CYFIP1: variants seen among roughly 807,000 people sequenced by gnomAD.
CYFIP1 encodes cytoplasmic FMR1 interacting protein 1, also known as cytoplasmic FMR1-interacting protein 1.
In CYFIP1, 58 loss-of-function variants were observed where a neutral mutation model predicts 163.5. The ratio of observed to expected loss-of-function variants is 0.35; its 90% CI spans 0.29 to 0.44. The LOEUF (loss-of-function observed/expected upper bound fraction) is 0.44. CYFIP1 is among the 20% of genes least tolerant of loss of function. CYFIP1 has a pLI of 1.00. For synonymous variants in CYFIP1, 663 were observed against 660.7 expected (o/e 1.00, Z -0.05); for missense variants, 1,338 against 1,653.8 (o/e 0.81, Z 3.31).
rs1471802173 is a variant in CYFIP1, at chr15:22,872,188, G to A, written c.3597+637C>T. 7.3e-5 allele frequency among the ~76,000 whole-genome samples: 11 copies of A among 151,586 alleles called. No individual in the cohort carries two copies. The East Asian group carries it at 1.9e-3, about 27-fold the overall frequency. ...CAGGTGCCTATAATCCCAGCTACTC[G>A]GGAGGCTGAGGCAGGAGAATCACTT... On this transcript the variant is annotated intron_variant, in intron 30 of 30. Transcript: ENST00000617928.
At chr15:22,979,963 T>G (rs1455334695) in intron 1 of CYFIP1, among the ~76,000 whole-genome samples, 1 of 152,016 alleles carries the variant, frequency 6.6e-6, no homozygotes, top group Non-Finnish European at 1.5e-5. Flanking sequence ...GAATCCGGGA[T>G]CCGGGGGCGC....
At chr15:22,900,698 C>A (rs888051724) in intron 22 of CYFIP1, among the ~76,000 whole-genome samples, 34 of 151,728 alleles carry the variant, frequency 2.2e-4, no homozygotes, top group Non-Finnish European at 4.7e-4. Context: ...CCGTGCCTGG[C>A]CGAGCCTGGA....
At chr15:22,928,568 G>A (rs995808835) in intron 11 of CYFIP1, among the ~76,000 whole-genome samples, 2 of 152,164 alleles carry the variant, frequency 1.3e-5, no homozygotes, top group African/African-American at 2.4e-5. Context: ...GGCTGGGCGC[G>A]GGGCTGTTAC....
chr15:22,959,738 C>T (rs947092302), intron 1 of CYFIP1, among the ~76,000 whole-genome samples: 5 of 152,296 alleles, frequency 3.3e-5, no homozygotes, highest in Admixed American at 6.5e-5. Context: ...CTGGGTCCTG[C>T]GGCGCCCGGC....
At chr15:22,946,879 T>C (rs1196969725) in intron 3 of CYFIP1, 124 bp downstream of exon 3, 1 of 823,790 alleles carries the variant, frequency 1.2e-6, no homozygotes, top group Non-Finnish European at 2.1e-6. Context: ...TATAAGGCAT[T>C]TCATTCATTT....
chr15:22,877,628 T>A (rs1202452043), intron 26 of CYFIP1, among the ~76,000 whole-genome samples: 1 of 152,196 alleles, frequency 6.6e-6, no homozygotes. Context: ...CCCTGGACAC[T>A]GGCTTCTTGC....
At chr15:22,929,302 T>C (rs1189984372) in intron 11 of CYFIP1, among the ~76,000 whole-genome samples, 1 of 151,764 alleles carries the variant, frequency 6.6e-6, no homozygotes, top group Non-Finnish European at 1.5e-5. Flanking sequence ...AAACAATTTC[T>C]AGTCACTGTA....
At chr15:22,895,947 C>T (rs2060224148) in intron 22 of CYFIP1, among the ~76,000 whole-genome samples, 1 of 152,184 alleles carries the variant, frequency 6.6e-6, no homozygotes, top group Non-Finnish European at 1.5e-5. Context: ...TTGCCCTGCA[C>T]ATCCTTCCAA....
chr15:22,972,549 T>A (rs1181098302), intron 1 of CYFIP1, among the ~76,000 whole-genome samples: 1 of 152,118 alleles, frequency 6.6e-6, no homozygotes. Context: ...TGGAAATAAA[T>A]GCATGCATTT....
intron 11 of CYFIP1, 50 bp from the exon 12 acceptor site, chr15:22,928,078 TC>T (rs2061415111): frequency 2.1e-6 from 3 of 1,430,880 alleles, no homozygotes; most frequent in South Asian, 2.9e-5. Flanking sequence ...CCCACCCAGC[TC>T]CCCCCATCCC....
At chr15:22,945,046 T>C in intron 3 of CYFIP1, 107 bp from the exon 4 acceptor site, 2 of 1,034,540 alleles carry the variant, frequency 1.9e-6, no homozygotes, top group Non-Finnish European at 3.0e-6. Context: ...TCCTAAGCAC[T>C]GTGGCCTGTG....
At chr15:22,941,714 G>A (rs1402235647) in intron 6 of CYFIP1, among the ~76,000 whole-genome samples, 1 of 151,976 alleles carries the variant, frequency 6.6e-6, no homozygotes, top group East Asian at 1.9e-4. Context: ...GACGCTAGAG[G>A]GGAAACCCTC....
In CYFIP1 at chr15:22,917,316, G is replaced by C. The variant is rs923140842; in HGVS notation, c.1674+472C>G. 3.8e-6 allele frequency: 5 copies of C among 1,314,340 alleles called. No homozygotes were observed. Among genetic ancestry groups the C allele is most frequent in the Admixed American group, 7.5e-5 (2 of 26,814 alleles). The allele number at this position is 1,314,340 out of a possible 1,614,324, so 81.4% of individuals were successfully genotyped here. Reference sequence around the variant, plus strand: ...CGCAGCGGTGTGGATTAAACCGGGTGTGAAAGTCGTGAGAAGCACCTCGGG... The same window carrying C: ...CGCAGCGGTGTGGATTAAACCGGGTCTGAAAGTCGTGAGAAGCACCTCGGG... On this transcript the variant is annotated intron_variant, in intron 15 of 30. Coordinates refer to ENST00000617928, the MANE Select transcript of CYFIP1 (RefSeq NM_014608.6). This position sits in a 1 kb window ranked among gnomAD's most constrained non-coding sequence, Gnocchi z 4.2.
chr15:22,955,700 G>A (rs1247569289), intron 1 of CYFIP1, among the ~76,000 whole-genome samples: 1 of 152,146 alleles, frequency 6.6e-6, no homozygotes, highest in East Asian at 1.9e-4. Flanking sequence ...AACCCATCTA[G>A]ATGTGGCCAG....
In CYFIP1 at chr15:22,880,038, G is replaced by C; in HGVS notation, c.2917C>G (p.Leu973Val). The change falls in exon 26 of 31, where the codon CTG becomes GTG. Residue 973 changes from leucine (L) to valine (V), a missense_variant. Physicochemically the swap from Leu to Val is conservative, Grantham distance 32 (BLOSUM62 1). Around this residue, in one of 4 missense-constraint regions of CYFIP1, gnomAD observed 22 missense variants for 47.7 expected, o/e 0.46. Transcript: ENST00000617928. ...TTCAGCTGGTGGTGGAAGAACTCCA[G>C]GATACCTACGGTGGCGGGAGTGAGG... Reference protein sequence around the residue: ...PRHEYGSPGILEFFHHQLKDI... With the variant: ...PRHEYGSPGIVEFFHHQLKDI... 7 of 1,613,774 alleles carry C rather than the reference G, an allele frequency of 4.3e-6. No homozygotes were observed. The highest frequency in any genetic ancestry group is 5.9e-6 in the Non-Finnish European group (7 of 1,179,948).
rs1287631947 is a variant in CYFIP1, at chr15:22,869,839, T to TA, written c.*188dup. The TA allele has an allele frequency of 2.1e-6, 1 of 472,256 alleles. No homozygotes were observed. The highest frequency in any genetic ancestry group is 3.7e-5 in the East Asian group (1 of 26,870). The allele number at this position is 472,256 out of a possible 1,614,324, so 29.3% of individuals were successfully genotyped here. On this transcript the variant is annotated 3_prime_UTR_variant, in exon 31 of 31. Transcript: ENST00000617928. Reference sequence around the variant, plus strand: ...AGCAGCCAATATTCTCAAGAGTTCCTAATTACCAAAAGCATATACAATTTT... The same window carrying TA: ...AGCAGCCAATATTCTCAAGAGTTCCTAAATTACCAAAAGCATATACAATTTT...
At chr15:22,942,441 T>TG (rs1052250177) in intron 6 of CYFIP1, among the ~76,000 whole-genome samples, 53 of 152,156 alleles carry the variant, frequency 3.5e-4, no homozygotes, top group African/African-American at 1.2e-3. Context: ...GCGTGCCAAG[T>TG]GTCACCAAAC....
intron 21 of CYFIP1, among the ~76,000 whole-genome samples, chr15:22,907,578 G>A (rs1247452067): frequency 6.6e-6 from 1 of 152,198 alleles, no homozygotes; most frequent in Non-Finnish European, 1.5e-5. Context: ...GTTAGAAAAT[G>A]CACACTGTAA....
At chr15:22,978,472 G>A (rs2063357607) in intron 1 of CYFIP1, among the ~76,000 whole-genome samples, 1 of 147,770 alleles carries the variant, frequency 6.8e-6, no homozygotes. Context: ...AGATCTTTAA[G>A]TAACCAAACA....
Sources: allele counts gnomAD v4.1 joint callset (sites outside exome capture counted in the v4.1 genomes callset), GRCh38; gene constraint gnomAD v4.1.1; regional missense constraint gnomAD v4.1.1; non-coding constraint Gnocchi (gnomAD v3.1); transcripts MANE v1.5; gene names NCBI Gene and HGNC (gene_info 2026-07-23, HGNC 2026-07-21).